ITGA11: variants seen among roughly 807,000 people sequenced by gnomAD.
ITGA11 encodes integrin alpha-11.
In ITGA11, 97 loss-of-function variants were observed where a neutral mutation model predicts 141.9. The ratio of observed to expected loss-of-function variants is 0.68; its 90% confidence interval spans 0.58 to 0.81. The LOEUF (loss-of-function observed/expected upper bound fraction) is 0.81, where lower values mean the gene tolerates loss of function less well. Among genes scored for constraint, ITGA11 ranks in the 30% least tolerant of loss-of-function variants. ITGA11 has a pLI of 0.00. For missense variants in ITGA11, 1,387 were observed against 1,559.2 expected (o/e 0.89, Z 1.86); for synonymous variants, 658 against 624.6 (o/e 1.05, Z -0.80).
At chr15:68,385,429 G>A (rs1007124872) in intron 2 of ITGA11, among the ~76,000 whole-genome samples, 2 of 152,202 alleles carry the variant, frequency 1.3e-5, no homozygotes, top group South Asian at 2.1e-4. Flanking sequence ...TAGGCTCCAC[G>A]GCTGGTTTTG....
At chr15:68,331,281 T>A (rs922504364) in intron 14 of ITGA11, among the ~76,000 whole-genome samples, 170 bp from the exon 15 acceptor site, 1 of 152,054 alleles carries the variant, frequency 6.6e-6, no homozygotes, top group African/African-American at 2.4e-5. Context: ...CACCTGAAAT[T>A]CCTACCATTC....
chr15:68,422,163 C>A (rs544014873), intron 1 of ITGA11, among the ~76,000 whole-genome samples: 11 of 152,304 alleles, frequency 7.2e-5, no homozygotes, highest in African/African-American at 2.6e-4. Flanking sequence ...CACTGAGGCA[C>A]GTCTGTGTGA....
intron 11 of ITGA11, among the ~76,000 whole-genome samples, chr15:68,337,122 T>C (rs767677516): frequency 6.6e-6 from 1 of 152,176 alleles, no homozygotes; most frequent in East Asian, 1.9e-4. Context: ...GTAAATGTTC[T>C]CAGTTGGTCT....
At chr15:68,361,765 A>G in intron 4 of ITGA11, 61 bp from the exon 5 acceptor site, 5 of 1,175,970 alleles carry the variant, frequency 4.3e-6, no homozygotes, top group Non-Finnish European at 6.2e-6. Context: ...TCGAGGTCCA[A>G]TGGCCTGAGG....
chr15:68,417,160 A>G (rs1183281940), intron 1 of ITGA11, among the ~76,000 whole-genome samples: 1 of 151,948 alleles, frequency 6.6e-6, no homozygotes, highest in Admixed American at 6.6e-5. Flanking sequence ...CCCCACAATC[A>G]ATTTCCTGGC....
chr15:68,400,759 A>C (rs1228810140), intron 2 of ITGA11, among the ~76,000 whole-genome samples: 1 of 18,520 alleles, frequency 5.4e-5, no homozygotes, highest in African/African-American at 4.9e-4. Context: ...AAATATTATA[A>C]TATTATATAT....
At position 68,303,930 on chromosome 15, in the gene ITGA11, G is replaced by C; in HGVS notation, c.3382-45C>G. 1 of 1,330,974 alleles carries C rather than the reference G, an allele frequency of 7.5e-7. No homozygotes were observed. Among genetic ancestry groups the C allele is most frequent in the South Asian group, 1.2e-5 (1 of 83,206 alleles). The allele number at this position is 1,330,974 out of a possible 1,614,324, so 82.4% of individuals were successfully genotyped here. A position where few individuals can be genotyped will look rare whatever the true frequency, so the allele number is the denominator to read the frequency against. On this transcript the variant is annotated intron_variant, in intron 28 of 29. Transcript: ENST00000315757. This position sits in a 1 kb window ranked among gnomAD's most constrained non-coding sequence, Gnocchi z 5.3. ...GGGCCAACAGCATTACTCTTCTGGGGCTGGGGTGGCAGTCTGGGAGGGGCA... is the reference window on the plus strand; with the variant it reads ...GGGCCAACAGCATTACTCTTCTGGGCCTGGGGTGGCAGTCTGGGAGGGGCA...
In ITGA11 at chr15:68,312,690, G is replaced by A. The variant is rs918184145; in HGVS notation, c.2973+83C>T. The A allele has an allele frequency of 6.7e-6, 7 of 1,050,900 alleles. No homozygotes were observed. The African/African-American group carries it at 1.1e-4, about 16-fold the overall frequency. 65.1% of individuals were successfully genotyped at this position (1,050,900 alleles called of 1,614,324 possible). A position where few individuals can be genotyped will look rare whatever the true frequency, so the allele number is the denominator to read the frequency against. ...TTGAGGCTGGACTCCGGGCACTAGC[G>A]ATGATTCCACATTCCTCCCCTCCAG... On this transcript the variant is annotated intron_variant, in intron 24 of 29. Coordinates refer to ENST00000315757, the MANE Select transcript of ITGA11 (RefSeq NM_001004439.2).
Position 68,302,920 on chromosome 15 carries a change from C to A in ITGA11, c.*139G>T. ...GTTCCATTCTGGAGGGAGCAGGCGC[C>A]ATTGCTCGGGAGATGAGGTCAAGTG... On this transcript the variant is annotated 3_prime_UTR_variant, in exon 30 of 30. Coordinates refer to ENST00000315757, the MANE Select transcript of ITGA11 (RefSeq NM_001004439.2). 1 of 647,604 alleles carries A rather than the reference C, an allele frequency of 1.5e-6. No homozygotes were observed. Among genetic ancestry groups the A allele is most frequent in the Non-Finnish European group, 2.7e-6 (1 of 374,264 alleles). 40.1% of individuals were successfully genotyped at this position (647,604 alleles called of 1,614,324 possible).
At chr15:68,319,768 C>A (rs1400110088) in intron 20 of ITGA11, among the ~76,000 whole-genome samples, 1 of 152,078 alleles carries the variant, frequency 6.6e-6, no homozygotes, top group Non-Finnish European at 1.5e-5. Context: ...CCCTGTGTTC[C>A]CAAAGGGCTC....
chr15:68,348,858 T>G lies in ITGA11; in HGVS notation c.1103A>C (p.Gln368Pro). The G allele has an allele frequency of 6.2e-7, 1 of 1,609,706 alleles. No individual in the cohort carries two copies. Among genetic ancestry groups the G allele is most frequent in the African/African-American group, 1.3e-5 (1 of 75,002 alleles). ...NETSFGLEMS[Q>P]TGFSSHVVED... ...CACCACGTGCGAGGAAAAGCCCGTC[T>G]GTGACATCTCCAGCCCAAAGGAGGT... is the stretch of plus-strand genomic sequence containing the variant. The change falls in exon 10 of 30, where the codon CAG (glutamine) becomes CCG (proline). Residue 368 changes from glutamine to proline, a missense_variant. Coordinates refer to ENST00000315757, the MANE Select transcript of ITGA11 (RefSeq NM_001004439.2).
rs552347591 is a variant in ITGA11, at chr15:68,425,041, C to T, written c.52+6974G>A. Among the ~76,000 whole-genome samples, 150 of 152,322 alleles carry T rather than the reference C, an allele frequency of 9.8e-4. 2 individuals carry two copies. The highest frequency in any genetic ancestry group is 3.6e-3 in the African/African-American group (149 of 41,568). ...TCTCCATGTTTCTTGAGGCAGAGAC[C>T]GCGCTTTATCTAATTTGGAATTCCC... On this transcript the variant is annotated intron_variant, in intron 1 of 29. Transcript: ENST00000315757.
Position 68,312,821 on chromosome 15 carries a change from C to T in ITGA11, c.2925G>A (p.Ser975=), listed in dbSNP as rs763821233. The change falls in exon 24 of 30, where the codon TCG becomes TCA. Residue 975 remains serine (S), a synonymous_variant. Coordinates refer to ENST00000315757, the MANE Select transcript of ITGA11 (RefSeq NM_001004439.2). ...LSHYEVKPNS[S]LERYDGIGPP... is the part of the protein sequence containing the mutation. ...GCCCGATACCATCGTATCTCTCCAGCGAGCTGTTGGGCTTGACCTCGTAGT... is the reference window on the plus strand; with the variant it reads ...GCCCGATACCATCGTATCTCTCCAGTGAGCTGTTGGGCTTGACCTCGTAGT... 53 of 1,613,688 alleles carry T rather than the reference C, an allele frequency of 3.3e-5. No homozygotes were observed. The African/African-American group carries it at 3.3e-4, about 10-fold the overall frequency.
In ITGA11 at chr15:68,305,677, T is replaced by C. The variant is rs1478402217; in HGVS notation, c.3381+1671A>G. Among the ~76,000 whole-genome samples, 2 of 152,156 alleles carry C rather than the reference T, an allele frequency of 1.3e-5. No individual in the cohort carries two copies. Among genetic ancestry groups the C allele is most frequent in the Admixed American group, 6.5e-5 (1 of 15,282 alleles). The stretch of plus-strand genomic sequence containing the variant: ...CTCATCTCACATGCCTCGGTGTGCA[T>C]ACCTGAGAGATGGGGGTGGGGACAG... On this transcript the variant is annotated intron_variant, in intron 28 of 29. Coordinates refer to ENST00000315757, the MANE Select transcript of ITGA11 (RefSeq NM_001004439.2). The surrounding 1 kb of genome is among the most constrained non-coding windows in gnomAD (Gnocchi z 4.6).
At chr15:68,342,398 G>A (rs1275862721) in intron 10 of ITGA11, among the ~76,000 whole-genome samples, 7 of 152,212 alleles carry the variant, frequency 4.6e-5, no homozygotes, top group African/African-American at 9.6e-5. Context: ...TTTTCCTGGC[G>A]TTCTGTGTAG....
At chr15:68,428,315 G>A (rs1361305684) in intron 1 of ITGA11, among the ~76,000 whole-genome samples, 1 of 152,160 alleles carries the variant, frequency 6.6e-6, no homozygotes, top group Non-Finnish European at 1.5e-5. Context: ...AGAAGGAAGA[G>A]CTCCCCACTA....
At chr15:68,309,564 G>A (rs1893309572) in intron 26 of ITGA11, among the ~76,000 whole-genome samples, 1 of 151,212 alleles carries the variant, frequency 6.6e-6, no homozygotes, top group Non-Finnish European at 1.5e-5. Context: ...TAAGAGTCCT[G>A]GGAATGTAAC....
At chr15:68,310,878 G>A in intron 26 of ITGA11, 116 bp downstream of exon 26, 1 of 745,822 alleles carries the variant, frequency 1.3e-6, no homozygotes, top group Non-Finnish European at 2.3e-6. Context: ...GTACATACAG[G>A]TGCTCAGTAA....
intron 2 of ITGA11, among the ~76,000 whole-genome samples, chr15:68,370,869 G>A (rs879307286): frequency 1.3e-5 from 2 of 152,158 alleles, no homozygotes; most frequent in Admixed American, 1.3e-4. Context: ...GGAGGTGGCC[G>A]GGAGGCTCGG....
Sources: gnomAD v4.1 joint callset for allele counts (sites outside exome capture counted in the v4.1 genomes callset) on GRCh38, gnomAD v4.1.1 for gene constraint, Gnocchi (gnomAD v3.1) non-coding constraint, MANE v1.5 for transcripts, NCBI Gene and HGNC (gene_info 2026-07-23, HGNC 2026-07-21) for gene names.